Variants in MMP26 observed in about 807,000 individuals in gnomAD.
The protein encoded by MMP26 is matrix metalloproteinase-26.
In MMP26, 33 loss-of-function variants were observed where a neutral mutation model predicts 31.0. The observed-to-expected ratio is 1.06, with a 90% CI of 0.81 to 1.42. MMP26 has a LOEUF of 1.42. Ranked by LOEUF, MMP26 falls within the 40% of genes most tolerant of loss-of-function variation. The pLI is 0.00. For synonymous variants in MMP26, 122 were observed against 114.9 expected (o/e 1.06, Z -0.40); for missense variants, 347 against 316.1 (o/e 1.10, Z -0.74).
At chr11:4,753,403 A>C (rs974454443) in intron 1 of MMP26, among the ~76,000 whole-genome samples, 3 of 152,158 alleles carry the variant, frequency 2.0e-5, no homozygotes, top group African/African-American at 7.2e-5. Flanking sequence ...TTATTTAAAT[A>C]CATTTATTTG....
At chr11:4,755,698 A>G (rs1848497097) in intron 1 of MMP26, among the ~76,000 whole-genome samples, 1 of 152,056 alleles carries the variant, frequency 6.6e-6, no homozygotes, top group South Asian at 2.1e-4. Context: ...TGTTGGTTGA[A>G]TGTTATCTGT....
intron 2 of MMP26, among the ~76,000 whole-genome samples, chr11:4,925,057 T>C (rs1178638716): frequency 6.6e-6 from 1 of 152,232 alleles, no homozygotes; most frequent in East Asian, 1.9e-4. Context: ...ATTAAATGCA[T>C]TGTGAGCCTG....
chr11:4,777,762 T>G (rs1258486725), intron 2 of MMP26, among the ~76,000 whole-genome samples: 1 of 152,084 alleles, frequency 6.6e-6, no homozygotes, highest in Non-Finnish European at 1.5e-5. Flanking sequence ...ACAGAGTGTG[T>G]ATAGTTATAG....
At chr11:4,977,544 C>T (rs752895513) in intron 2 of MMP26, among the ~76,000 whole-genome samples, 2 of 152,100 alleles carry the variant, frequency 1.3e-5, no homozygotes, top group Non-Finnish European at 2.9e-5. Flanking sequence ...AACACTCTCA[C>T]TAGAGGAATG....
At chr11:4,879,717 T>A (rs1212005932) in intron 2 of MMP26, among the ~76,000 whole-genome samples, 3 of 152,144 alleles carry the variant, frequency 2.0e-5, no homozygotes, top group East Asian at 1.9e-4. Context: ...GTTAAGTTAC[T>A]TATGCGTAGA....
At chr11:4,829,661 G>T (rs1849620353) in intron 2 of MMP26, among the ~76,000 whole-genome samples, 1 of 152,126 alleles carries the variant, frequency 6.6e-6, no homozygotes, top group Non-Finnish European at 1.5e-5. Context: ...TAAGGGGCTA[G>T]ATATAAGACA....
At chr11:4,743,190 G>A (rs1056324154) in intron 1 of MMP26, among the ~76,000 whole-genome samples, 2 of 152,108 alleles carry the variant, frequency 1.3e-5, no homozygotes, top group Non-Finnish European at 2.9e-5. Flanking sequence ...GCTGTATACT[G>A]TCACTGTCCC....
chr11:4,938,544 A>G (rs1846161122), intron 2 of MMP26, among the ~76,000 whole-genome samples: 1 of 152,140 alleles, frequency 6.6e-6, no homozygotes, highest in African/African-American at 2.4e-5. Flanking sequence ...AGTTTGTTGG[A>G]ACTTGTTAAA....
chr11:4,748,839 A>G (rs919077604), intron 1 of MMP26, among the ~76,000 whole-genome samples: 1 of 152,248 alleles, frequency 6.6e-6, no homozygotes, highest in Non-Finnish European at 1.5e-5. Context: ...CCAACATCAT[A>G]TTGAATGGGG....
At chr11:4,963,531 C>T (rs1030004473) in intron 2 of MMP26, among the ~76,000 whole-genome samples, 1 of 152,126 alleles carries the variant, frequency 6.6e-6, no homozygotes, top group Admixed American at 6.6e-5. Context: ...TGTACCAAAA[C>T]GGATATATAG....
In MMP26 at chr11:4,882,867, G is replaced by T. The variant is rs746568124; in HGVS notation, c.-144-105201G>T. On this transcript the variant is annotated intron_variant, in intron 2 of 7. Transcript: ENST00000380390. Reference sequence around the variant, plus strand: ...TGGGGTTTTAATGTGAGGGGTCTTAGGGGAAGATGGGATTGAAGGTAGGAA... The same window carrying T: ...TGGGGTTTTAATGTGAGGGGTCTTATGGGAAGATGGGATTGAAGGTAGGAA... The T allele has an allele frequency of 1.2e-5, 20 of 1,612,244 alleles. 1 individual carries two copies. The highest frequency in any genetic ancestry group is 1.1e-4 in the East Asian group (5 of 44,802).
intron 2 of MMP26, among the ~76,000 whole-genome samples, chr11:4,776,528 T>G (rs1484179465): frequency 1.3e-5 from 2 of 152,142 alleles, no homozygotes; most frequent in Non-Finnish European, 2.9e-5. Flanking sequence ...TAATTTGTAC[T>G]TCTCTGATGA....
chr11:4,708,640 TAAGAC>T (rs1468233940), intron 1 of MMP26, among the ~76,000 whole-genome samples: 2 of 152,152 alleles, frequency 1.3e-5, no homozygotes, highest in African/African-American at 4.8e-5. Context: ...TCAGAAAACT[TAAGAC>T]AAGAAGCAAT....
At chr11:4,934,236 T>C (rs1455388515) in intron 2 of MMP26, among the ~76,000 whole-genome samples, 7 of 150,436 alleles carry the variant, frequency 4.7e-5, no homozygotes, top group Non-Finnish European at 1.5e-5. Context: ...CCAGCACCTG[T>C]TGTTTCCTGA....
Position 4,923,564 on chromosome 11 carries a change from C to A in MMP26, c.-144-64504C>A, listed in dbSNP as rs141068486. ...ACCAAAGCGATGCACAAGAGACAAG[C>A]CAATCATGGGGATGTAGAAGAGCAG... On this transcript the variant is annotated intron_variant, in intron 2 of 7. Coordinates refer to ENST00000380390, the MANE Select transcript of MMP26 (RefSeq NM_021801.5). 230 of 1,613,964 alleles carry A rather than the reference C, an allele frequency of 1.4e-4. 1 individual carries two copies. The African/African-American group carries it at 2.6e-3, about 18-fold the overall frequency.
chr11:4,966,632 A>G (rs973012519), intron 2 of MMP26, among the ~76,000 whole-genome samples: 2 of 152,210 alleles, frequency 1.3e-5, no homozygotes, highest in African/African-American at 4.8e-5. Context: ...CTCTTGTTCA[A>G]GGAAATAAGA....
intron 2 of MMP26, among the ~76,000 whole-genome samples, chr11:4,916,965 G>A (rs1165342590): frequency 6.6e-6 from 1 of 152,192 alleles, no homozygotes; most frequent in East Asian, 1.9e-4. Context: ...TGAAGGCTCA[G>A]GAGAGTCTTG....
chr11:4,743,250 T>G (rs1298187526), intron 1 of MMP26, among the ~76,000 whole-genome samples: 1 of 152,204 alleles, frequency 6.6e-6, no homozygotes, highest in Non-Finnish European at 1.5e-5. Flanking sequence ...TTTCAAACAC[T>G]TGACACTTGA....
intron 2 of MMP26, among the ~76,000 whole-genome samples, chr11:4,977,517 T>C (rs1846754343): frequency 1.3e-5 from 2 of 152,206 alleles, no homozygotes; most frequent in South Asian, 4.1e-4. Context: ...AGGACTCAAA[T>C]GTGACCTGTC....
Sources: allele counts gnomAD v4.1 joint callset (sites outside exome capture counted in the v4.1 genomes callset), GRCh38; gene constraint gnomAD v4.1.1; transcripts MANE v1.5; gene names NCBI Gene and HGNC (gene_info 2026-07-23, HGNC 2026-07-21).